The following ASMT variants were observed in gnomAD, a reference collection of about 807,000 sequenced individuals.
ASMT encodes acetylserotonin N-methyltransferase.
In ASMT, 53 loss-of-function variants were observed where a neutral mutation model predicts 41.3. The ratio of observed to expected loss-of-function variants is 1.28; its 90% confidence interval spans 1.03 to 1.61. The LOEUF is 1.61. ASMT is among the 40% of genes most tolerant of loss of function. The pLI, the probability that ASMT is intolerant of heterozygous loss-of-function variation, is 0.00. For synonymous variants in ASMT, 231 were observed against 184.8 expected (o/e 1.25, Z -2.03); for missense variants, 531 against 441.3 (o/e 1.20, Z -1.82).
At chrX:1,625,551 A>AGGGAGGGAGGGAGGGAAACGGG (rs1556100719) in intron 3 of ASMT, among the ~76,000 whole-genome samples, 2 of 65,288 alleles carry the variant, frequency 3.1e-5, no homozygotes, top group East Asian at 6.0e-4. Context: ...GAAGGGAGGG[A>AGGGAGGGAGGGAGGGAAACGGG]GGGAGGGAGG....
chrX:1,637,137 A>ATGAGGAGATGGG (rs1246990643), intron 8 of ASMT, among the ~76,000 whole-genome samples: 1 of 103,582 alleles, frequency 9.7e-6, no homozygotes, highest in Admixed American at 9.7e-5. Flanking sequence ...CTGATGCTTC[A>ATGAGGAGATGGG]CGAGGACGTG....
At position 1,617,621 on chromosome X, in the gene ASMT, CT is replaced by C. The variant is rs1453621391; in HGVS notation, c.69+2364del. Among the ~76,000 whole-genome samples, 993 of 145,498 alleles carry C rather than the reference CT, an allele frequency of 6.8e-3. 11 individuals carry two copies. Among genetic ancestry groups the C allele is most frequent in the African/African-American group, 0.018 (731 of 39,946 alleles). On this transcript the variant is annotated intron_variant, in intron 1 of 8. Coordinates refer to ENST00000381241, the MANE Select transcript of ASMT (RefSeq NM_001171038.2). Reference sequence around the variant, plus strand: ...CCGGTTTTTTTTGTTTGTTTTTTTCCTTTTTTTTTTTCAGACAGAGTTTCCC... The same window carrying C: ...CCGGTTTTTTTTGTTTGTTTTTTTCCTTTTTTTTTTCAGACAGAGTTTCCC...
chrX:1,625,927 C>G (rs1406651420), intron 3 of ASMT, among the ~76,000 whole-genome samples: 1 of 135,246 alleles, frequency 7.4e-6, no homozygotes, highest in Non-Finnish European at 1.5e-5. Context: ...TGCACTCCAG[C>G]CTGGGCGACA....
At chrX:1,617,979 G>C (rs189087612) in intron 1 of ASMT, among the ~76,000 whole-genome samples, 1 of 151,838 alleles carries the variant, frequency 6.6e-6, no homozygotes, top group African/African-American at 2.4e-5. Flanking sequence ...CTCCTTCCTG[G>C]TTTGTAGAGC....
chrX:1,618,178 T>C (rs1186100518), intron 1 of ASMT, among the ~76,000 whole-genome samples: 1 of 152,052 alleles, frequency 6.6e-6, no homozygotes, highest in Non-Finnish European at 1.5e-5. Flanking sequence ...TATTTATTTT[T>C]CTGATATGGA....
intron 3 of ASMT, among the ~76,000 whole-genome samples, chrX:1,626,020 A>G (rs1934537445): frequency 6.6e-6 from 1 of 150,726 alleles, no homozygotes; most frequent in Non-Finnish European, 1.5e-5. Flanking sequence ...CCAAATTCTT[A>G]TTATGTAGAT....
At position 1,643,028 on chromosome X, in the gene ASMT, C is replaced by T. The variant is rs1270919440; in HGVS notation, c.*14C>T. On this transcript the variant is annotated 3_prime_UTR_variant, in exon 9 of 9. Coordinates refer to ENST00000381241, the MANE Select transcript of ASMT (RefSeq NM_001171038.2). ...GCCAGGAAATAACTGTTTCTTGTGA[C>T]CTGGAACTAACGTCAAAGCACACAA... The T allele has an allele frequency of 4.3e-6, 7 of 1,612,830 alleles. No homozygotes were observed. Among genetic ancestry groups the T allele is most frequent in the Non-Finnish European group, 5.9e-6 (7 of 1,178,908 alleles).
In ASMT at chrX:1,633,147, C is replaced by G. The variant is rs1362265441; in HGVS notation, c.647-3C>G. ...GGGTCAAACGGGCTGTGTCCCCTTC[C>G]AGGTGGGGCTGGAGCTCTGGCTAAG... On this transcript the variant is annotated splice_polypyrimidine_tract_variant and splice_region_variant and intron_variant, in intron 6 of 8. Coordinates refer to ENST00000381241, the MANE Select transcript of ASMT (RefSeq NM_001171038.2). 2 of 1,613,780 alleles carry G rather than the reference C, an allele frequency of 1.2e-6. No homozygotes were observed. The highest frequency in any genetic ancestry group is 1.7e-6 in the Non-Finnish European group (2 of 1,179,862).
At chrX:1,617,420 C>T (rs1206208084) in intron 1 of ASMT, among the ~76,000 whole-genome samples, 55 of 144,244 alleles carry the variant, frequency 3.8e-4, no homozygotes, top group African/African-American at 1.4e-3. Flanking sequence ...TGCAGTGAGC[C>T]GAGATTATGC....
At chrX:1,615,857 A>G (rs1934076248) in intron 1 of ASMT, among the ~76,000 whole-genome samples, 1 of 152,078 alleles carries the variant, frequency 6.6e-6, no homozygotes, top group African/African-American at 2.4e-5. Flanking sequence ...GATGAAATAC[A>G]TAGGATTAGA....
At chrX:1,619,325 T>C (rs1367155747) in intron 1 of ASMT, among the ~76,000 whole-genome samples, 2 of 133,926 alleles carry the variant, frequency 1.5e-5, no homozygotes, top group Admixed American at 7.9e-5. Flanking sequence ...ACCCGGGAGG[T>C]GGAGGTTGCA....
Position 1,618,415 on chromosome X carries a change from C to T in ASMT, c.69+3147C>T, listed in dbSNP as rs182839133. On this transcript the variant is annotated intron_variant, in intron 1 of 8. Coordinates refer to ENST00000381241, the MANE Select transcript of ASMT (RefSeq NM_001171038.2). The stretch of plus-strand genomic sequence containing the variant: ...CTGACCTCGGGCGATCTGCCTGCCT[C>T]GGCCTTCCAAAGTGCTAGGATTACA... Among the ~76,000 whole-genome samples the T allele has an allele frequency of 4.7e-4, 71 of 152,090 alleles. No individual in the cohort carries two copies. In the East Asian group the frequency reaches 0.012, roughly 26 times the overall value.
rs1397803706 is a variant in ASMT, at chrX:1,616,195, ATTTTTG to A, written c.69+929_69+934del. The stretch of plus-strand genomic sequence containing the variant: ...AGGCACCCACCACCACGCCCGGCTA[ATTTTTG>A]TATTTTTAGTAGAGATGGGGTTTCA... On this transcript the variant is annotated intron_variant, in intron 1 of 8. Coordinates refer to ENST00000381241, the MANE Select transcript of ASMT (RefSeq NM_001171038.2). Among the ~76,000 whole-genome samples, 383 of 149,816 alleles carry A rather than the reference ATTTTTG, an allele frequency of 2.6e-3. 1 individual carries two copies. The highest frequency in any genetic ancestry group is 4.4e-3 in the Non-Finnish European group (293 of 67,078).
intron 5 of ASMT, among the ~76,000 whole-genome samples, 166 bp from the exon 6 acceptor site, chrX:1,632,538 C>T (rs1318072286): frequency 6.6e-6 from 1 of 151,948 alleles, no homozygotes; most frequent in African/African-American, 2.4e-5. Context: ...GCCTGTAGTC[C>T]CAGCTACTGG....
Position 1,636,896 on chromosome X carries a change from G to T in ASMT, c.910+336G>T, listed in dbSNP as rs758821329. Among the ~76,000 whole-genome samples the T allele has an allele frequency of 4.2e-5, 6 of 144,132 alleles. No homozygotes were observed. The South Asian group carries it at 1.3e-3, about 32-fold the overall frequency. 94.6% of individuals were successfully genotyped at this position (144,132 alleles called of 152,430 possible). A position where few individuals can be genotyped will look rare whatever the true frequency, so the allele number is the denominator to read the frequency against. On this transcript the variant is annotated intron_variant, in intron 8 of 8. Coordinates refer to ENST00000381241, the MANE Select transcript of ASMT (RefSeq NM_001171038.2). ...GTCCACCCATCCTGATGGTTCATGA[G>T]GATGTGGGCACAGCCTCTGTGTGTG...
intron 8 of ASMT, among the ~76,000 whole-genome samples, chrX:1,636,913 C>CTGTGTGTG (rs1398335387): frequency 8.8e-6 from 1 of 113,020 alleles, no homozygotes; most frequent in East Asian, 3.3e-4. Context: ...GGCACAGCCT[C>CTGTGTGTG]TGTGTGTGAT....
chrX:1,627,807 A>G (rs774874425), intron 4 of ASMT, 36 bp downstream of exon 4: 2 of 1,590,038 alleles, frequency 1.3e-6, no homozygotes, highest in Non-Finnish European at 1.7e-6. Flanking sequence ...CAACTCAGAT[A>G]AGATTCTGTT....
At chrX:1,642,779 T>C in intron 8 of ASMT, 24 bp from the exon 9 acceptor site, 1 of 1,604,522 alleles carries the variant, frequency 6.2e-7, no homozygotes, top group Non-Finnish European at 8.5e-7. Flanking sequence ...GTGTGTGATG[T>C]GGACTGTGCC....
At chrX:1,615,289 C>A (rs373839742) in intron 1 of ASMT, 21 bp downstream of exon 1, 46 of 1,577,206 alleles carry the variant, frequency 2.9e-5, no homozygotes, top group Non-Finnish European at 3.7e-5. Context: ...CTCTGTGGGA[C>A]AAGGGGGAAT....
Sources: allele counts gnomAD v4.1 joint callset (sites outside exome capture counted in the v4.1 genomes callset), GRCh38; gene constraint gnomAD v4.1.1; transcripts MANE v1.5; gene names NCBI Gene and HGNC (gene_info 2026-07-23, HGNC 2026-07-21).